Variants in GALK1 observed in about 807,000 individuals in gnomAD.
GALK1 encodes the protein galactokinase 1.
In GALK1, 30 loss-of-function variants were observed where a neutral mutation model predicts 38.6. That is an observed-to-expected ratio of 0.78 (90% confidence interval 0.58 to 1.05). The LOEUF is 1.05. GALK1 is among the 50% of genes least tolerant of loss of function. The probability of loss-of-function intolerance (pLI) is 0.00; values close to 1 mark genes in which losing one functional copy is unlikely to be tolerated. For missense variants in GALK1, 512 were observed against 540.5 expected, an observed-to-expected ratio of 0.95 and a Z score of 0.52; for synonymous variants, 240 against 233.6, an observed-to-expected ratio of 1.03 and a Z score of -0.25.
intron 5 of GALK1, among the ~76,000 whole-genome samples, chr17:75,759,182 C>T (rs1007108548): frequency 4.6e-5 from 7 of 152,126 alleles, no homozygotes; most frequent in African/African-American, 1.7e-4. Context: ...AATCCCAGCA[C>T]TTTGGGAAGC....
At chr17:75,752,248 G>A (rs779461196) in intron 8 of GALK1, 2 of 1,613,686 alleles carry the variant, frequency 1.2e-6, no homozygotes, top group East Asian at 4.5e-5. Flanking sequence ...GAACCTTCGG[G>A]AGTCCCAGCC....
At chr17:75,754,308 C>T (rs2061436638), downstream of GALK1, among the ~76,000 whole-genome samples, 1 of 152,146 alleles carries the variant, frequency 6.6e-6, no homozygotes, top group South Asian at 2.1e-4. Flanking sequence ...TGACTGCAGA[C>T]GCAGCAAACC....
chr17:75,763,141 T>C lies in GALK1; in HGVS notation c.484A>G (p.Thr162Ala), dbSNP rs1161973622. Residue 162 changes from threonine to alanine, a missense_variant, in exon 4 of 8, where the codon ACA becomes GCA. Coordinates refer to ENST00000588479, the MANE Select transcript of GALK1 (RefSeq NM_000154.2). ...FLQQLCPDSGTIAARAQVCQQ... is the reference protein window; with the variant it reads ...FLQQLCPDSGAIAARAQVCQQ... ...CACACCTGGGCGCGGGCAGCTATTG[T>C]GCCCGAGTCTGCAGTACAGGGTGAG... 3 of 1,611,690 alleles carry C rather than the reference T, an allele frequency of 1.9e-6. No homozygotes were observed. In the South Asian group the frequency reaches 3.3e-5, roughly 18 times the overall value.
chr17:75,762,294 G>A (rs1412920678), intron 5 of GALK1, among the ~76,000 whole-genome samples: 1 of 148,690 alleles, frequency 6.7e-6, no homozygotes, highest in Non-Finnish European at 1.5e-5. Flanking sequence ...TCCAGCTTGG[G>A]CAACAGAATG....
chr17:75,764,356 G>C, intron 1 of GALK1: 2 of 710,626 alleles, frequency 2.8e-6, no homozygotes, highest in Non-Finnish European at 5.2e-6. Context: ...CTAGCCCAAA[G>C]GGAAAACAGA....
downstream of GALK1, chr17:75,755,967 G>C: frequency 7.8e-7 from 1 of 1,276,546 alleles, no homozygotes; most frequent in Non-Finnish European, 1.1e-6. Flanking sequence ...GAGCGCTAAA[G>C]CCCCCATCCA....
chr17:75,754,894 G>A (rs1294348822), downstream of GALK1: 3 of 1,596,722 alleles, frequency 1.9e-6, no homozygotes, highest in South Asian at 1.1e-5. Context: ...GCTTCTGTCT[G>A]CTGTCCCCAC....
downstream of GALK1, chr17:75,754,905 C>A (rs1228516606): frequency 6.3e-7 from 1 of 1,581,440 alleles, no homozygotes; most frequent in African/African-American, 1.3e-5. Context: ...CTGTCCCCAC[C>A]GCCCATTCTC....
chr17:75,765,051 T>C lies in GALK1; in HGVS notation c.86A>G (p.Glu29Gly), dbSNP rs1333158089. 1 of 1,606,144 alleles carries C rather than the reference T, an allele frequency of 6.2e-7. No individual in the cohort carries two copies. ...AFREEFGAEP[E>G]LAVSAPGRVN... ...GCGGCCCGGCGCTGACACGGCCAGCTCGGGCTCGGCCCCGAACTCCTCCCG... is the reference window on the plus strand; with the variant it reads ...GCGGCCCGGCGCTGACACGGCCAGCCCGGGCTCGGCCCCGAACTCCTCCCG... The change falls in exon 1 of 8, where the codon GAG (glutamate) becomes GGG (glycine). Residue 29 changes from glutamate to glycine, a missense_variant. By Grantham distance (98) the Glu-to-Gly change is moderately conservative (BLOSUM62 -2). Coordinates refer to ENST00000588479, the MANE Select transcript of GALK1 (RefSeq NM_000154.2).
chr17:75,753,893 C>A (rs2061426325), downstream of GALK1: 2 of 1,302,388 alleles, frequency 1.5e-6, no homozygotes, highest in African/African-American at 3.1e-5. Context: ...CGCCGAGGCG[C>A]CCCACGGGCC....
downstream of GALK1, chr17:75,753,782 G>T: frequency 6.9e-7 from 1 of 1,453,354 alleles, no homozygotes. Flanking sequence ...CTGGAAGTTC[G>T]AGCCCCTGCT....
downstream of GALK1, chr17:75,755,790 G>T: frequency 6.2e-7 from 1 of 1,611,782 alleles, no homozygotes; most frequent in Non-Finnish European, 8.5e-7. Context: ...GAGCTGGCAG[G>T]AGCCGCGGTG....
intron 5 of GALK1, among the ~76,000 whole-genome samples, chr17:75,759,446 A>G (rs1246187400): frequency 6.6e-6 from 1 of 151,706 alleles, no homozygotes; most frequent in Admixed American, 6.6e-5. Flanking sequence ...AGAAAGAAAG[A>G]AAGAAAGAAA....
downstream of GALK1, chr17:75,755,351 C>T (rs2061472549): frequency 2.2e-6 from 2 of 926,896 alleles, no homozygotes; most frequent in Admixed American, 2.6e-5. Context: ...CAGGCGCTAA[C>T]CACCTGCCCT....
At chr17:75,756,804 G>A (rs1285485356), downstream of GALK1, 29 of 1,612,486 alleles carry the variant, frequency 1.8e-5, no homozygotes, top group Non-Finnish European at 2.4e-5. Context: ...GGCCACGGAG[G>A]CCCAATGGGG....
At chr17:75,754,425 C>T (rs2061439410), downstream of GALK1, 1 of 916,934 alleles carries the variant, frequency 1.1e-6, no homozygotes, top group Non-Finnish European at 1.7e-6. Context: ...GGACAGAGGG[C>T]CTCTGTCCCT....
chr17:75,764,473 G>A (rs773839126), intron 1 of GALK1: 4 of 546,256 alleles, frequency 7.3e-6, no homozygotes, highest in Non-Finnish European at 1.4e-5. Flanking sequence ...GCTGAAAGCT[G>A]GGAGTCCTCA....
At position 75,763,109 on chromosome 17, in the gene GALK1, C is replaced by G. The variant is rs1282302483; in HGVS notation, c.516G>C (p.Gln172His). 1 of 1,612,426 alleles carries G rather than the reference C, an allele frequency of 6.2e-7. No homozygotes were observed. The highest frequency in any genetic ancestry group is 1.1e-5 in the South Asian group (1 of 91,088). The change falls in exon 4 of 8, where the codon CAG becomes CAC. Residue 172 changes from glutamine (Q) to histidine (H), a missense_variant. Transcript: ENST00000588479. The stretch of plus-strand genomic sequence containing the variant: ...GCATCCCTGCGAAGCTGTGCTCGGC[C>G]TGCTGACACACCTGGGCGCGGGCAG... ...TIAARAQVCQ[Q>H]AEHSFAGMPC...
At chr17:75,757,435 C>T, downstream of GALK1, 1 of 1,613,254 alleles carries the variant, frequency 6.2e-7, no homozygotes, top group South Asian at 1.1e-5. Flanking sequence ...CCCTGGGGGC[C>T]CAGCACCTGG....
Sources: gnomAD v4.1 joint callset for allele counts (sites outside exome capture counted in the v4.1 genomes callset) on GRCh38, gnomAD v4.1.1 for gene constraint, MANE v1.5 for transcripts, NCBI Gene and HGNC (gene_info 2026-07-23, HGNC 2026-07-21) for gene names.